PTPRD: variants seen among roughly 807,000 people sequenced by gnomAD.
PTPRD encodes the protein protein tyrosine phosphatase receptor type D.
Under a neutral mutation model 214.5 loss-of-function variants are expected in PTPRD, and 34 were observed. The observed-to-expected ratio is 0.16, with a 90% CI of 0.12 to 0.21. The LOEUF (loss-of-function observed/expected upper bound fraction) is 0.21, where lower values mean the gene tolerates loss of function less well. PTPRD is among the 10% of genes least tolerant of loss of function. PTPRD has a pLI of 1.00. For missense variants in PTPRD, 2,545 were observed against 2,398.7 expected (o/e 1.06, Z -1.27); for synonymous variants, 1,128 against 845.7 (o/e 1.33, Z -5.79).
chr9:10,562,868 C>T (rs1252673591), intron 2 of PTPRD, among the ~76,000 whole-genome samples: 1 of 152,004 alleles, frequency 6.6e-6, no homozygotes, highest in Non-Finnish European at 1.5e-5. Flanking sequence ...TTATATCATG[C>T]TTTGTAAAAT....
chr9:9,575,185 C>G (rs1048504194), intron 7 of PTPRD, among the ~76,000 whole-genome samples: 1 of 152,128 alleles, frequency 6.6e-6, no homozygotes, highest in Admixed American at 6.6e-5. Context: ...ACAGCTGTGG[C>G]TATCATACCA....
At chr9:10,008,466 C>T (rs2096533332) in intron 4 of PTPRD, among the ~76,000 whole-genome samples, 1 of 151,984 alleles carries the variant, frequency 6.6e-6, no homozygotes. Flanking sequence ...AATTTTAATG[C>T]ATGTAAATGT....
At chr9:9,080,172 T>A (rs553545132) in intron 10 of PTPRD, among the ~76,000 whole-genome samples, 1 of 152,124 alleles carries the variant, frequency 6.6e-6, no homozygotes, top group African/African-American at 2.4e-5. Flanking sequence ...ATCTCCCATG[T>A]TAAAAATAGA....
chr9:9,813,669 C>A lies in PTPRD; in HGVS notation c.-367-46818G>T, dbSNP rs116839421. Among the ~76,000 whole-genome samples the A allele has an allele frequency of 8.2e-3, 1,247 of 152,128 alleles. 18 individuals carry two copies. Among genetic ancestry groups the A allele is most frequent in the African/African-American group, 0.028 (1,180 of 41,536 alleles). Reference sequence around the variant, plus strand: ...AAAAGTCTGGGGCAAAACGTCCTCACGAATGAATTCAACCAAATATTTAAG... The same window carrying A: ...AAAAGTCTGGGGCAAAACGTCCTCAAGAATGAATTCAACCAAATATTTAAG... On this transcript the variant is annotated intron_variant, in intron 5 of 45. Coordinates refer to ENST00000381196, the MANE Select transcript of PTPRD (RefSeq NM_002839.4).
intron 30 of PTPRD, among the ~76,000 whole-genome samples, chr9:8,480,856 A>G (rs946251353): frequency 1.3e-5 from 2 of 152,174 alleles, no homozygotes; most frequent in African/African-American, 4.8e-5. Context: ...ATAATAGAAG[A>G]AGGGCCGGGC....
intron 11 of PTPRD, among the ~76,000 whole-genome samples, chr9:8,850,246 T>G (rs928181333): frequency 6.6e-6 from 1 of 152,090 alleles, no homozygotes; most frequent in African/African-American, 2.4e-5. Context: ...GCGAGGAAAT[T>G]TATTTTGAAG....
chr9:10,130,351 A>T (rs2098852826), intron 3 of PTPRD, among the ~76,000 whole-genome samples: 4 of 152,134 alleles, frequency 2.6e-5, no homozygotes, highest in African/African-American at 7.2e-5. Flanking sequence ...TCTATCAAAA[A>T]TTGTGCCAAA....
At chr9:8,572,886 C>T (rs1416038229) in intron 14 of PTPRD, among the ~76,000 whole-genome samples, 1 of 151,884 alleles carries the variant, frequency 6.6e-6, no homozygotes, top group African/African-American at 2.4e-5. Flanking sequence ...TAAATATTTC[C>T]AAAGTTTCAA....
At chr9:10,058,691 A>G (rs1316294064) in intron 3 of PTPRD, among the ~76,000 whole-genome samples, 5 of 152,132 alleles carry the variant, frequency 3.3e-5, no homozygotes, top group African/African-American at 1.2e-4. Flanking sequence ...ATAGCTTCTC[A>G]TATTGAGTTA....
chr9:10,361,129 T>A (rs1041882048), intron 2 of PTPRD, among the ~76,000 whole-genome samples: 1 of 151,988 alleles, frequency 6.6e-6, no homozygotes, highest in Non-Finnish European at 1.5e-5. Flanking sequence ...AAACAAAAAA[T>A]TGTCATTAAG....
chr9:9,812,874 G>T (rs1243931849), intron 5 of PTPRD, among the ~76,000 whole-genome samples: 1 of 152,140 alleles, frequency 6.6e-6, no homozygotes, highest in South Asian at 2.1e-4. Context: ...GGTATATTGT[G>T]TTAGACTGTA....
chr9:9,564,716 T>C (rs2083901753), intron 8 of PTPRD, among the ~76,000 whole-genome samples: 1 of 151,998 alleles, frequency 6.6e-6, no homozygotes, highest in Non-Finnish European at 1.5e-5. Context: ...AATATGTAAC[T>C]CAAGAAAACC....
chr9:10,179,047 C>G (rs919199788), intron 3 of PTPRD, among the ~76,000 whole-genome samples: 3 of 151,750 alleles, frequency 2.0e-5, no homozygotes, highest in African/African-American at 7.3e-5. Context: ...AAAATAATAT[C>G]TAAGTATGCT....
intron 9 of PTPRD, among the ~76,000 whole-genome samples, chr9:9,254,045 A>G (rs1408262089): frequency 6.6e-6 from 1 of 152,040 alleles, no homozygotes; most frequent in Non-Finnish European, 1.5e-5. Flanking sequence ...CTATAAGGAT[A>G]CCTATCATTG....
At chr9:9,032,039 C>G (rs2099607240) in intron 10 of PTPRD, among the ~76,000 whole-genome samples, 2 of 151,596 alleles carry the variant, frequency 1.3e-5, no homozygotes, top group Non-Finnish European at 2.9e-5. Flanking sequence ...TTATAAAAAG[C>G]TTTTTTTCCA....
chr9:9,316,406 T>C (rs913227955), intron 9 of PTPRD, among the ~76,000 whole-genome samples: 2 of 152,110 alleles, frequency 1.3e-5, no homozygotes, highest in Non-Finnish European at 2.9e-5. Flanking sequence ...ATAGTACACA[T>C]AGAGCTTCTG....
Position 8,946,505 on chromosome 9 carries a change from T to G in PTPRD, c.-104+72192A>C, listed in dbSNP as rs1376376869. Among the ~76,000 whole-genome samples, 4 of 152,136 alleles carry G rather than the reference T, an allele frequency of 2.6e-5. No individual in the cohort carries two copies. In the East Asian group the frequency reaches 7.7e-4, roughly 29 times the overall value. On this transcript the variant is annotated intron_variant, in intron 11 of 45. Coordinates refer to ENST00000381196, the MANE Select transcript of PTPRD (RefSeq NM_002839.4). ...GGATTAAGTGATATATGAAAATCCC[T>G]TATTAGTTAGCATACTCTTGGTAGC...
At chr9:10,248,804 C>A (rs184196908) in intron 3 of PTPRD, among the ~76,000 whole-genome samples, 12 of 151,956 alleles carry the variant, frequency 7.9e-5, no homozygotes, top group African/African-American at 2.7e-4. Flanking sequence ...CTTGTGTCAT[C>A]CACTGGGAAT....
intron 11 of PTPRD, among the ~76,000 whole-genome samples, chr9:8,942,193 C>A (rs1426245152): frequency 1.3e-5 from 2 of 152,172 alleles, no homozygotes; most frequent in Non-Finnish European, 2.9e-5. Context: ...CCATTGCCAG[C>A]AACTATTTTT....
Sources: gnomAD v4.1 joint callset for allele counts (sites outside exome capture counted in the v4.1 genomes callset) on GRCh38, gnomAD v4.1.1 for gene constraint, MANE v1.5 for transcripts, NCBI Gene and HGNC (gene_info 2026-07-23, HGNC 2026-07-21) for gene names.